The following CTNNA3 variants were observed in gnomAD, a reference collection of about 807,000 sequenced individuals.
CTNNA3 encodes catenin alpha-3.
Under a neutral mutation model 95.7 loss-of-function variants are expected in CTNNA3, and 76 were observed. The ratio of observed to expected loss-of-function variants is 0.79; its 90% CI spans 0.66 to 0.96. The LOEUF is 0.96. Ranked by LOEUF, CTNNA3 falls within the 40% of genes least tolerant of loss-of-function variation. CTNNA3 has a pLI of 0.00. For missense variants in CTNNA3, 1,191 were observed against 1,089.8 expected (o/e 1.09, Z -1.31); for synonymous variants, 431 against 374.4 (o/e 1.15, Z -1.74).
chr10:66,713,017 G>A (rs1848344224), intron 9 of CTNNA3, among the ~76,000 whole-genome samples: 1 of 152,052 alleles, frequency 6.6e-6, no homozygotes, highest in Non-Finnish European at 1.5e-5. Flanking sequence ...AGTATACTAA[G>A]ACCTTAAGTA....
At chr10:66,177,762 G>A (rs1309410063) in intron 13 of CTNNA3, among the ~76,000 whole-genome samples, 2 of 151,936 alleles carry the variant, frequency 1.3e-5, no homozygotes, top group Non-Finnish European at 2.9e-5. Flanking sequence ...CTAGTCAGAA[G>A]TAGGCCATTT....
chr10:66,583,352 T>C (rs1033927541), intron 10 of CTNNA3, among the ~76,000 whole-genome samples: 2 of 151,726 alleles, frequency 1.3e-5, no homozygotes, highest in African/African-American at 4.8e-5. Context: ...ACTGATTAAA[T>C]CTCACTGCTT....
At chr10:66,326,287 C>T (rs1332830147) in intron 12 of CTNNA3, among the ~76,000 whole-genome samples, 2 of 152,096 alleles carry the variant, frequency 1.3e-5, no homozygotes, top group African/African-American at 4.8e-5. Context: ...TTACAATGCT[C>T]TCATCACTCT....
At chr10:66,471,895 G>C (rs1241438826) in intron 11 of CTNNA3, among the ~76,000 whole-genome samples, 1 of 151,908 alleles carries the variant, frequency 6.6e-6, no homozygotes, top group Non-Finnish European at 1.5e-5. Flanking sequence ...TATATTGGTT[G>C]CTGAAAATGC....
chr10:67,182,487 G>A (rs910192376), intron 6 of CTNNA3, among the ~76,000 whole-genome samples: 6 of 152,078 alleles, frequency 3.9e-5, no homozygotes, highest in African/African-American at 1.5e-4. Flanking sequence ...CTAGCCATAT[G>A]TAGAAAGCTG....
intron 15 of CTNNA3, among the ~76,000 whole-genome samples, chr10:66,033,117 AT>A (rs1231129370): frequency 3.6e-5 from 5 of 140,704 alleles, no homozygotes; most frequent in South Asian, 2.4e-4. Context: ...GGCTGTAATA[AT>A]TTTTTTTTCT....
In CTNNA3 at chr10:66,493,667, G is replaced by T. The variant is rs370426086; in HGVS notation, c.1531+26950C>A. ...CTCAGGCTGGATGGAGTTCAGTGGC[G>T]TGATCTCCGGTCACTACAAGCTCTG... On this transcript the variant is annotated intron_variant, in intron 11 of 17. Transcript: ENST00000433211. Among the ~76,000 whole-genome samples, 56 of 143,880 alleles carry T rather than the reference G, an allele frequency of 3.9e-4. 1 individual carries two copies. The South Asian group carries it at 0.012, about 31-fold the overall frequency. The allele number at this position is 143,880 out of a possible 152,430, so 94.4% of individuals were successfully genotyped here. A position where few individuals can be genotyped will look rare whatever the true frequency, so the allele number is the denominator to read the frequency against.
At chr10:66,816,818 T>TAATAACTTA (rs1249580741) in intron 7 of CTNNA3, among the ~76,000 whole-genome samples, 5 of 152,016 alleles carry the variant, frequency 3.3e-5, no homozygotes, top group African/African-American at 1.2e-4. Context: ...TTAAATAATA[T>TAATAACTTA]AAAGTACGTC....
intron 1 of CTNNA3, among the ~76,000 whole-genome samples, chr10:67,691,621 G>A (rs1246542287): frequency 6.8e-6 from 1 of 147,914 alleles, no homozygotes; most frequent in Non-Finnish European, 1.5e-5. Flanking sequence ...CCTGGCAACC[G>A]CCCCGTCTGA....
intron 9 of CTNNA3, among the ~76,000 whole-genome samples, chr10:66,737,730 G>T (rs1430608383): frequency 2.6e-5 from 4 of 151,828 alleles, no homozygotes; most frequent in Non-Finnish European, 5.9e-5. Context: ...TGTGATCATG[G>T]CTCACCGCAA....
At chr10:67,531,550 T>C (rs575338884) in intron 4 of CTNNA3, among the ~76,000 whole-genome samples, 2 of 152,334 alleles carry the variant, frequency 1.3e-5, no homozygotes, top group Non-Finnish European at 2.9e-5. Context: ...TGTACCCTCA[T>C]TGTATCTAGA....
intron 11 of CTNNA3, among the ~76,000 whole-genome samples, chr10:66,417,727 C>G (rs1354368916): frequency 6.6e-6 from 1 of 151,878 alleles, no homozygotes; most frequent in Non-Finnish European, 1.5e-5. Context: ...CAAAAAGAAA[C>G]TTGGAAACTA....
intron 7 of CTNNA3, among the ~76,000 whole-genome samples, chr10:66,865,327 G>A (rs59028993): frequency 0.033 from 4,916 of 151,216 alleles, 119 homozygotes; most frequent in African/African-American, 0.064. Context: ...GTAGAAATAC[G>A]GTCAGAGTAC....
At chr10:66,144,626 T>G (rs1271214743) in intron 13 of CTNNA3, among the ~76,000 whole-genome samples, 1 of 152,136 alleles carries the variant, frequency 6.6e-6, no homozygotes, top group East Asian at 1.9e-4. Flanking sequence ...TAGCTGAGAT[T>G]ACAGGGACCA....
chr10:67,425,979 C>T (rs1327659620), intron 5 of CTNNA3, among the ~76,000 whole-genome samples: 1 of 152,066 alleles, frequency 6.6e-6, no homozygotes, highest in African/African-American at 2.4e-5. Flanking sequence ...TAGGGTCACC[C>T]TCTGTTTATT....
intron 7 of CTNNA3, among the ~76,000 whole-genome samples, chr10:67,040,255 A>G (rs1268029697): frequency 6.6e-6 from 1 of 152,062 alleles, no homozygotes; most frequent in Non-Finnish European, 1.5e-5. Flanking sequence ...ATGTGATCCT[A>G]AGGGTTCCAG....
chr10:66,446,925 C>A (rs577908187), intron 11 of CTNNA3, among the ~76,000 whole-genome samples: 1 of 151,654 alleles, frequency 6.6e-6, no homozygotes, highest in Non-Finnish European at 1.5e-5. Context: ...TCTAGAAAAC[C>A]CCATCGTCTC....
chr10:66,130,413 A>G (rs1477035382), intron 13 of CTNNA3, among the ~76,000 whole-genome samples: 1 of 151,186 alleles, frequency 6.6e-6, no homozygotes, highest in African/African-American at 2.4e-5. Flanking sequence ...AAACATCAAC[A>G]AAATCAGGAT....
At chr10:66,986,371 C>A (rs1225582613) in intron 7 of CTNNA3, among the ~76,000 whole-genome samples, 1 of 152,072 alleles carries the variant, frequency 6.6e-6, no homozygotes, top group African/African-American at 2.4e-5. Flanking sequence ...GTGGCACATG[C>A]CTATAGTCCC....
Sources: allele counts gnomAD v4.1 joint callset (sites outside exome capture counted in the v4.1 genomes callset), GRCh38; gene constraint gnomAD v4.1.1; transcripts MANE v1.5; gene names NCBI Gene and HGNC (gene_info 2026-07-23, HGNC 2026-07-21).